Variants in TONSL observed in about 807,000 individuals in gnomAD.
The protein encoded by TONSL is tonsoku like, DNA repair protein.
In TONSL, 112 loss-of-function variants were observed where a neutral mutation model predicts 147.1. The ratio of observed to expected loss-of-function variants is 0.76; its 90% CI spans 0.65 to 0.89. The LOEUF (loss-of-function observed/expected upper bound fraction) is 0.89, where lower values mean the gene tolerates loss of function less well. Ranked by LOEUF, TONSL falls within the 40% of genes least tolerant of loss-of-function variation. The pLI, the probability that TONSL is intolerant of heterozygous loss-of-function variation, is 0.00. For synonymous variants in TONSL, 868 were observed against 801.5 expected (o/e 1.08, Z -1.40); for missense variants, 1,883 against 1,864.6 (o/e 1.01, Z -0.18).
intron 7 of TONSL, 105 bp from the exon 8 acceptor site, chr8:144,441,216 A>T (rs1586695873): frequency 6.9e-7 from 1 of 1,457,640 alleles, no homozygotes; most frequent in Admixed American, 2.2e-5. Flanking sequence ...CTCTCTCCAC[A>T]CCTCTGCCTG....
chr8:144,434,724 C>T, intron 20 of TONSL, 87 bp downstream of exon 20: 1 of 1,470,648 alleles, frequency 6.8e-7, no homozygotes, highest in Non-Finnish European at 9.2e-7. Flanking sequence ...ACACCCGAGG[C>T]CCAGGAATGA....
chr8:144,438,583 A>G lies in TONSL; in HGVS notation c.1564-23T>C, dbSNP rs770386658. On this transcript the variant is annotated intron_variant, in intron 12 of 25. Transcript: ENST00000409379. ...CCACTGTGGGCACAGCCAACCCAGCACAGGGCAGGGGCGTGAGGAGCTGGC... is the reference window on the plus strand; with the variant it reads ...CCACTGTGGGCACAGCCAACCCAGCGCAGGGCAGGGGCGTGAGGAGCTGGC... The G allele has an allele frequency of 1.3e-5, 21 of 1,610,516 alleles. No homozygotes were observed. In the Admixed American group the frequency reaches 2.2e-4, roughly 17 times the overall value.
At chr8:144,442,555 G>C in intron 5 of TONSL, 122 bp downstream of exon 5, 4 of 1,493,820 alleles carry the variant, frequency 2.7e-6, no homozygotes, top group Non-Finnish European at 3.6e-6. Context: ...AGGTGTGAGA[G>C]GTGGGGGGAT....
Position 144,444,416 on chromosome 8 carries a change from C to G in TONSL, c.-2G>C. 8.1e-7 allele frequency: 1 copy of G among 1,238,156 alleles called. No homozygotes were observed. Among genetic ancestry groups the G allele is most frequent in the Non-Finnish European group, 1.0e-6 (1 of 989,054 alleles). The allele number at this position is 1,238,156 out of a possible 1,614,324, so 76.7% of individuals were successfully genotyped here. A position where few individuals can be genotyped will look rare whatever the true frequency, so the allele number is the denominator to read the frequency against. On this transcript the variant is annotated 5_prime_UTR_variant, in exon 1 of 26. Transcript: ENST00000409379. ...GCGAAGCTCGCGCTCCAGGCTCATG[C>G]TCGGATCGCCGCGGGATCCGGACTT...
intron 14 of TONSL, 35 bp from the exon 15 acceptor site, chr8:144,436,955 G>A (rs376304423): frequency 1.2e-4 from 198 of 1,611,272 alleles, no homozygotes; most frequent in Admixed American, 1.7e-4. Context: ...AGCTCCCGAT[G>A]CCCCGCCAGG....
At position 144,436,671 on chromosome 8, in the gene TONSL, G is replaced by A. The variant is rs1329337480; in HGVS notation, c.1901C>T (p.Pro634Leu). Residue 634 changes from proline (P) to leucine (L), a missense_variant, in exon 16 of 26, where the codon CCG (proline) becomes CTG (leucine). By Grantham distance (98) the Pro-to-Leu change is moderately conservative. Transcript: ENST00000409379. ...VTLRTRKGLSPLETLQQWVKL... is the reference protein window; with the variant it reads ...VTLRTRKGLSLLETLQQWVKL... ...CACCCACTGCTGCAGCGTCTCCAGC[G>A]GGCTGAGGCCCTGTGTGGCATCAGT... is the stretch of plus-strand genomic sequence containing the variant. 20 of 1,611,944 alleles carry A rather than the reference G, an allele frequency of 1.2e-5. No individual in the cohort carries two copies. The highest frequency in any genetic ancestry group is 1.6e-5 in the Non-Finnish European group (19 of 1,179,938).
chr8:144,442,157 G>T lies in TONSL; in HGVS notation c.751-6C>A, dbSNP rs1324445390. On this transcript the variant is annotated splice_region_variant and splice_polypyrimidine_tract_variant and intron_variant, in intron 6 of 25. Coordinates refer to ENST00000409379, the MANE Select transcript of TONSL (RefSeq NM_013432.5). ...TCTCCCAGGTCTTGGAGGACCTGGAGAGCAAAGGACAGCAAAGGTTTTGCA... is the reference window on the plus strand; with the variant it reads ...TCTCCCAGGTCTTGGAGGACCTGGATAGCAAAGGACAGCAAAGGTTTTGCA... The T allele has an allele frequency of 6.2e-7, 1 of 1,610,292 alleles. No individual in the cohort carries two copies.
At chr8:144,436,507 G>C (rs756244230) in intron 16 of TONSL, 51 bp downstream of exon 16, 11 of 1,586,490 alleles carry the variant, frequency 6.9e-6, no homozygotes, top group East Asian at 2.2e-5. Flanking sequence ...AGGGCCCGGG[G>C]ACTCTCAGCG....
chr8:144,431,586 C>T (rs1392169791), intron 23 of TONSL, among the ~76,000 whole-genome samples: 2 of 151,764 alleles, frequency 1.3e-5, no homozygotes, highest in African/African-American at 4.8e-5. Flanking sequence ...GCCATCTCGG[C>T]TCACTGCAAG....
At chr8:144,434,764 C>T (rs1262608898) in intron 20 of TONSL, 47 bp downstream of exon 20, 1 of 1,588,284 alleles carries the variant, frequency 6.3e-7, no homozygotes, top group Non-Finnish European at 8.6e-7. Flanking sequence ...TGTGCCCAAC[C>T]CCCTTGTACG....
chr8:144,438,573 C>A lies in TONSL; in HGVS notation c.1564-13G>T. Reference sequence around the variant, plus strand: ...TTCGCCGGTTCCACTGTGGGCACAGCCAACCCAGCACAGGGCAGGGGCGTG... The same window carrying A: ...TTCGCCGGTTCCACTGTGGGCACAGACAACCCAGCACAGGGCAGGGGCGTG... On this transcript the variant is annotated splice_polypyrimidine_tract_variant and intron_variant, in intron 12 of 25. Transcript: ENST00000409379. The A allele has an allele frequency of 1.9e-6, 3 of 1,613,138 alleles. No homozygotes were observed. Among genetic ancestry groups the A allele is most frequent in the Non-Finnish European group, 2.5e-6 (3 of 1,179,890 alleles).
chr8:144,429,165 T>C lies in TONSL; in HGVS notation c.4115A>G (p.Lys1372Arg). ...GGGTCAGAGGCGCCGAAAGAAGAGC[T>C]TGGAGCCGTGGTCCAGCGTGCACTC... Reference protein sequence around the residue: ...PGECTLDHGSKLFFRRL With the variant: ...PGECTLDHGSRLFFRRL The change falls in exon 26 of 26, where the codon AAG (lysine) becomes AGG (arginine). Residue 1372 changes from lysine (K) to arginine (R), a missense_variant. Coordinates refer to ENST00000409379, the MANE Select transcript of TONSL (RefSeq NM_013432.5). 3.9e-6 allele frequency: 6 copies of C among 1,532,714 alleles called. No individual in the cohort carries two copies. The highest frequency in any genetic ancestry group is 2.5e-5 in the East Asian group (1 of 40,414). The allele number at this position is 1,532,714 out of a possible 1,614,324, so 94.9% of individuals were successfully genotyped here.
intron 13 of TONSL, 64 bp from the exon 14 acceptor site, chr8:144,437,163 A>G: frequency 1.3e-6 from 2 of 1,528,068 alleles, no homozygotes; most frequent in East Asian, 2.3e-5. Flanking sequence ...CAGCCCCGTG[A>G]GCTCTGCAGC....
intron 7 of TONSL, 108 bp downstream of exon 7, chr8:144,441,926 GCCT>G: frequency 1.1e-6 from 1 of 882,200 alleles, no homozygotes; most frequent in Non-Finnish European, 1.8e-6. Context: ...AGGTGCTCAG[GCCT>G]CCTCTGTGAG....
chr8:144,429,387 C>G, intron 25 of TONSL, 51 bp from the exon 26 acceptor site: 7 of 1,351,378 alleles, frequency 5.2e-6, no homozygotes, highest in Non-Finnish European at 6.7e-6. Context: ...CGGCGGCGTC[C>G]TGGTGCCCGC....
In TONSL at chr8:144,435,054, T is replaced by C. The variant is rs776381306; in HGVS notation, c.2969A>G (p.Gln990Arg). 3 of 1,611,938 alleles carry C rather than the reference T, an allele frequency of 1.9e-6. No homozygotes were observed. In the Admixed American group the frequency reaches 5.0e-5, roughly 27 times the overall value. The change falls in exon 19 of 26, where the codon CAG becomes CGG. Residue 990 changes from glutamine (Q) to arginine (R), a missense_variant. Transcript: ENST00000409379. ...CTGCAGCACATCAGGGATGAGGTCC[T>C]GTGGGGCCAGCAGGGCCCCCTCTTT... ...LRKEGALLAP[Q>R]DLIPDVLQSN...
At chr8:144,440,519 G>A (rs776523296) in intron 9 of TONSL, 43 bp from the exon 10 acceptor site, 1 of 1,552,056 alleles carries the variant, frequency 6.4e-7, no homozygotes, top group African/African-American at 1.4e-5. Context: ...GCCGCTGTCT[G>A]CGTCCAACGG....
In TONSL at chr8:144,438,670, G is replaced by A. The variant is rs921761938; in HGVS notation, c.1546C>T (p.Arg516Trp). 32 of 1,613,038 alleles carry A rather than the reference G, an allele frequency of 2.0e-5. No homozygotes were observed. The highest frequency in any genetic ancestry group is 1.2e-4 in the African/African-American group (9 of 74,900). Residue 516 changes from arginine to tryptophan, a missense_variant, in exon 12 of 26, where the codon CGG becomes TGG. By Grantham distance (101) the Arg-to-Trp change is moderately radical. Transcript: ENST00000409379. Reference protein sequence around the residue: ...EDEELQGHLGRRKGSKWNRRN... With the variant: ...EDEELQGHLGWRKGSKWNRRN... ...GTCCTCACCTTGCTCCCCTTCCGCCGGCCCAGGTGGCCCTGAAGCTCCTCG... is the reference window on the plus strand; with the variant it reads ...GTCCTCACCTTGCTCCCCTTCCGCCAGCCCAGGTGGCCCTGAAGCTCCTCG...
chr8:144,442,076 G>A lies in TONSL; in HGVS notation c.826C>T (p.Pro276Ser). The A allele has an allele frequency of 6.2e-7, 1 of 1,612,822 alleles. No homozygotes were observed. The highest frequency in any genetic ancestry group is 8.5e-7 in the Non-Finnish European group (1 of 1,179,934). The change falls in exon 7 of 26, where the codon CCT becomes TCT. Residue 276 changes from proline to serine, a missense_variant. Pro to Ser is a moderately conservative substitution (Grantham distance 74, BLOSUM62 -1). Transcript: ENST00000409379. ...TGACAGATGGCTGCCCTCTGCACAG[G>A]CTTCTGGGAGCCCAGCCTGTAGGCC... ...KKAYRLGSQKPVQRAAICQNL... is the reference protein window; with the variant it reads ...KKAYRLGSQKSVQRAAICQNL...
Sources: allele counts gnomAD v4.1 joint callset (sites outside exome capture counted in the v4.1 genomes callset), GRCh38; gene constraint gnomAD v4.1.1; transcripts MANE v1.5; gene names NCBI Gene and HGNC (gene_info 2026-07-23, HGNC 2026-07-21).